CDK5RAP2: variants seen among roughly 807,000 people sequenced by gnomAD.
CDK5RAP2 encodes the protein CDK5 regulatory subunit-associated protein 2.
A neutral mutation model predicts 232.9 loss-of-function variants in CDK5RAP2; 147 were observed. The ratio of observed to expected loss-of-function variants is 0.63; its 90% confidence interval spans 0.55 to 0.72. CDK5RAP2 has a LOEUF of 0.72. CDK5RAP2 is among the 30% of genes least tolerant of loss of function. The probability of loss-of-function intolerance (pLI) is 0.00; values close to 1 mark genes in which losing one functional copy is unlikely to be tolerated. For synonymous variants in CDK5RAP2, 833 were observed against 833.7 expected, an observed-to-expected ratio of 1.00 and a Z score of 0.01; for missense variants, 2,195 against 2,231.5, an observed-to-expected ratio of 0.98 and a Z score of 0.33.
chr9:120,409,142 C>T lies in CDK5RAP2; in HGVS notation c.4589G>A (p.Gly1530Asp). The change falls in exon 30 of 38, where the codon GGC becomes GAC. Residue 1530 changes from glycine (G) to aspartate (D), a missense_variant. Transcript: ENST00000349780. ...CAGCCACTACCTGCTCAGCTCCTGG[C>T]CGCTGCAGCGGACCTCCTGGATCAG... Reference protein sequence around the residue: ...QQLIQEVRCSGQELSRVQEEV... With the variant: ...QQLIQEVRCSDQELSRVQEEV... 1 of 1,612,070 alleles carries T rather than the reference C, an allele frequency of 6.2e-7. No homozygotes were observed. Among genetic ancestry groups the T allele is most frequent in the Non-Finnish European group, 8.5e-7 (1 of 1,179,986 alleles).
intron 2 of CDK5RAP2, among the ~76,000 whole-genome samples, chr9:120,571,112 G>A (rs775498464): frequency 1.3e-5 from 2 of 151,980 alleles, no homozygotes; most frequent in South Asian, 4.2e-4. Flanking sequence ...GTGCGTGATC[G>A]CACCTCTGCA....
At chr9:120,577,215 A>C (rs2043066568) in intron 1 of CDK5RAP2, among the ~76,000 whole-genome samples, 2 of 152,146 alleles carry the variant, frequency 1.3e-5, no homozygotes, top group African/African-American at 4.8e-5. Flanking sequence ...TACAAAAATT[A>C]GCCAGGCGTA....
At chr9:120,408,518 G>A in intron 30 of CDK5RAP2, 50 bp from the exon 31 acceptor site, 2 of 1,611,230 alleles carry the variant, frequency 1.2e-6, no homozygotes, top group Non-Finnish European at 1.7e-6. Context: ...CTACCTCAGG[G>A]TAACTTATTC....
chr9:120,524,884 T>C (rs192135789), intron 11 of CDK5RAP2, 102 bp downstream of exon 11: 45 of 814,986 alleles, frequency 5.5e-5, no homozygotes, highest in Non-Finnish European at 8.3e-5. Flanking sequence ...CCACCCACAG[T>C]TTTCCTTATT....
chr9:120,425,086 G>T lies in CDK5RAP2; in HGVS notation c.3956-2345C>A, dbSNP rs7868540. Among the ~76,000 whole-genome samples the T allele has an allele frequency of 1.2e-4, 19 of 152,120 alleles. No individual in the cohort carries two copies. In the South Asian group the frequency reaches 2.7e-3, roughly 22 times the overall value. On this transcript the variant is annotated intron_variant, in intron 25 of 37. Transcript: ENST00000349780. Reference sequence around the variant, plus strand: ...TTGGGGCAGGCTTTAAGCATTCCGGGTCTCCAGATCTTAGACCCATCAAAA... The same window carrying T: ...TTGGGGCAGGCTTTAAGCATTCCGGTTCTCCAGATCTTAGACCCATCAAAA...
intron 19 of CDK5RAP2, among the ~76,000 whole-genome samples, 172 bp from the exon 20 acceptor site, chr9:120,458,794 C>A (rs995522282): frequency 6.6e-6 from 1 of 152,134 alleles, no homozygotes; most frequent in Admixed American, 6.5e-5. Flanking sequence ...GAGAGAGACA[C>A]AGGCATGCAG....
Position 120,508,389 on chromosome 9 carries a change from T to C in CDK5RAP2, c.1311+10038A>G, listed in dbSNP as rs534872479. Among the ~76,000 whole-genome samples, 215 of 152,260 alleles carry C rather than the reference T, an allele frequency of 1.4e-3. 2 individuals are homozygous for C. Among genetic ancestry groups the C allele is most frequent in the African/African-American group, 5.0e-3 (207 of 41,538 alleles). On this transcript the variant is annotated intron_variant, in intron 12 of 37. Transcript: ENST00000349780. The stretch of plus-strand genomic sequence containing the variant: ...CCCTGAGCAGCTCCACTTCTGTGTT[T>C]TCTCTCCATAACAGTTCATTCAAAC...
chr9:120,510,442 C>G (rs770792493), intron 12 of CDK5RAP2, among the ~76,000 whole-genome samples: 2 of 152,144 alleles, frequency 1.3e-5, no homozygotes, highest in African/African-American at 4.8e-5. Flanking sequence ...TAAAGGAGAA[C>G]AAAAAAACCT....
intron 18 of CDK5RAP2, among the ~76,000 whole-genome samples, chr9:120,464,436 G>T (rs77871090): frequency 6.6e-6 from 1 of 152,182 alleles, no homozygotes; most frequent in South Asian, 2.1e-4. Context: ...AATGCCTGAC[G>T]CTCAATAACA....
rs762979714 is a variant in CDK5RAP2, at chr9:120,437,398, C to T, written c.3852G>A (p.Leu1284=). 3 of 1,614,014 alleles carry T rather than the reference C, an allele frequency of 1.9e-6. No homozygotes were observed. The highest frequency in any genetic ancestry group is 2.5e-6 in the Non-Finnish European group (3 of 1,179,986). The change falls in exon 25 of 38, where the codon TTG becomes TTA. Residue 1284 remains leucine (L), a synonymous_variant. Coordinates refer to ENST00000349780, the MANE Select transcript of CDK5RAP2 (RefSeq NM_018249.6). ...MNTMIKAFEE[L]LQASDVDYCV... is the part of the protein sequence containing the mutation. ...AGTAATCCACATCACTGGCCTGCAG[C>T]AACTCCTCAAATGCCTTAATCATGG...
chr9:120,475,427 G>A (rs2037952592), intron 15 of CDK5RAP2, among the ~76,000 whole-genome samples: 1 of 152,144 alleles, frequency 6.6e-6, no homozygotes, highest in African/African-American at 2.4e-5. Context: ...CCCTCATGAA[G>A]CTGAGAAGAC....
At chr9:120,499,062 C>T (rs2039452621) in intron 12 of CDK5RAP2, among the ~76,000 whole-genome samples, 2 of 152,114 alleles carry the variant, frequency 1.3e-5, no homozygotes, top group Admixed American at 1.3e-4. Context: ...ATGATTTAAA[C>T]AAATTATTTC....
chr9:120,405,514 C>G (rs946164569), intron 32 of CDK5RAP2, among the ~76,000 whole-genome samples: 24 of 152,322 alleles, frequency 1.6e-4, no homozygotes, highest in Admixed American at 5.9e-4. Context: ...TAGCCTACCC[C>G]ACAAGTTCCT....
chr9:120,512,085 A>C (rs991154912), intron 12 of CDK5RAP2, among the ~76,000 whole-genome samples: 1 of 152,148 alleles, frequency 6.6e-6, no homozygotes, highest in Non-Finnish European at 1.5e-5. Context: ...GCAGTGGCTC[A>C]CACCTATAAT....
intron 12 of CDK5RAP2, among the ~76,000 whole-genome samples, chr9:120,516,652 C>A (rs562961536): frequency 6.6e-6 from 1 of 152,024 alleles, no homozygotes; most frequent in African/African-American, 2.4e-5. Context: ...ACAGCCAGAC[C>A]CTGTCTCCAC....
rs536602030 is a variant in CDK5RAP2 at position 120,390,716 on chromosome 9, C to T, written c.5579-929G>A. ...CTCCCCACGTTGGAAATACCAAAGG[C>T]TTCTGGAGCCGCGCCTTTAGCCAAC... On this transcript the variant is annotated intron_variant, in intron 36 of 37. Transcript: ENST00000349780. Among the ~76,000 whole-genome samples the T allele has an allele frequency of 5.9e-5, 9 of 152,304 alleles. No individual in the cohort carries two copies. The South Asian group carries it at 1.9e-3, about 32-fold the overall frequency.
Position 120,491,453 on chromosome 9 carries a change from A to T in CDK5RAP2, c.1336T>A (p.Leu446Ile), listed in dbSNP as rs1294441781. Residue 446 changes from leucine to isoleucine, a missense_variant, in exon 13 of 38, where the codon TTA becomes ATA. Leu to Ile is a conservative substitution (Grantham distance 5). Transcript: ENST00000349780. ...IRDLRNEVEKLRNEVNEREKA... is the reference protein window; with the variant it reads ...IRDLRNEVEKIRNEVNEREKA... ...TCTCTTTCATTCACTTCATTGCGTAATTTTTCAACTTCATTTCTAAGATCC... is the reference window on the plus strand; with the variant it reads ...TCTCTTTCATTCACTTCATTGCGTATTTTTTCAACTTCATTTCTAAGATCC... The T allele has an allele frequency of 6.2e-7, 1 of 1,611,274 alleles. No homozygotes were observed. Among genetic ancestry groups the T allele is most frequent in the South Asian group, 1.1e-5 (1 of 91,008 alleles).
chr9:120,579,704 C>T (rs1376282333), intron 1 of CDK5RAP2, among the ~76,000 whole-genome samples: 1 of 152,242 alleles, frequency 6.6e-6, no homozygotes, highest in African/African-American at 2.4e-5. Context: ...AAGTACATGG[C>T]GCAATGCTAC....
Position 120,439,406 on chromosome 9 carries a change from G to A in CDK5RAP2, c.3715C>T (p.Pro1239Ser). The A allele has an allele frequency of 3.7e-6, 6 of 1,613,670 alleles. No homozygotes were observed. The highest frequency in any genetic ancestry group is 5.1e-6 in the Non-Finnish European group (6 of 1,179,644). Reference sequence around the variant, plus strand: ...GGCAGAGGTGGAACGTACCTGGGAGGTGAGAGATCTCTGAACTTATTCTGC... The same window carrying A: ...GGCAGAGGTGGAACGTACCTGGGAGATGAGAGATCTCTGAACTTATTCTGC... ...NLQNKFRDLS[P>S]PRYDSLVQSQ... The change falls in exon 24 of 38, where the codon CCT becomes TCT. Residue 1239 changes from proline (P) to serine (S), a missense_variant. Transcript: ENST00000349780.
Sources: allele counts gnomAD v4.1 joint callset (sites outside exome capture counted in the v4.1 genomes callset), GRCh38; gene constraint gnomAD v4.1.1; transcripts MANE v1.5; gene names NCBI Gene and HGNC (gene_info 2026-07-23, HGNC 2026-07-21).